Variants in TBX18 observed in about 807,000 individuals in gnomAD.
TBX18 encodes the protein T-box transcription factor 18.
A neutral mutation model predicts 55.0 loss-of-function variants in TBX18; 21 were observed. That is an observed-to-expected ratio of 0.38 (90% confidence interval 0.27 to 0.55). TBX18 has a LOEUF of 0.55. TBX18 is among the 20% of genes least tolerant of loss of function. TBX18 has a pLI of 0.73. For missense variants in TBX18, 840 were observed against 799.6 expected, an observed-to-expected ratio of 1.05 and a Z score of -0.61; for synonymous variants, 342 against 326.1, an observed-to-expected ratio of 1.05 and a Z score of -0.53.
In TBX18 at chr6:84,736,702, A is replaced by G. The variant is rs780853862; in HGVS notation, c.1807T>C (p.Ser603Pro). Residue 603 changes from serine to proline, a missense_variant, in exon 8 of 8, where the codon TCT (serine) becomes CCT (proline). Ser to Pro is a moderately conservative substitution (Grantham distance 74). Coordinates refer to ENST00000369663, the MANE Select transcript of TBX18 (RefSeq NM_001080508.3). ...AGGCTTCATCAGACCATATGTGCAG[A>G]TACTTGAGATGATGACAGAGTTAAG... ...GSLTLSSSQV[S>P]AHMV is the part of the protein sequence containing the mutation. 1.9e-6 allele frequency: 3 copies of G among 1,572,254 alleles called. No individual in the cohort carries two copies. The highest frequency in any genetic ancestry group is 2.6e-6 in the Non-Finnish European group (3 of 1,163,072).
At chr6:84,756,118 A>G (rs1171987730) in intron 4 of TBX18, among the ~76,000 whole-genome samples, 1 of 152,234 alleles carries the variant, frequency 6.6e-6, no homozygotes, top group Non-Finnish European at 1.5e-5. Context: ...AAAAATTACT[A>G]AGGTGTTAAA....
At position 84,737,119 on chromosome 6, in the gene TBX18, T is replaced by G. The variant is rs114499307; in HGVS notation, c.1390A>C (p.Thr464Pro). ...CCACCCATGGACATGTTCACGGAGGTGCTGCTGCTCACGCCCACATAGGAG... is the reference window on the plus strand; with the variant it reads ...CCACCCATGGACATGTTCACGGAGGGGCTGCTGCTCACGCCCACATAGGAG... Reference protein sequence around the residue: ...TPSYVGVSSSTSVNMSMGGTD... With the variant: ...TPSYVGVSSSPSVNMSMGGTD... Residue 464 changes from threonine to proline, a missense_variant, in exon 8 of 8, where the codon ACC becomes CCC. Transcript: ENST00000369663. 1,243 of 1,614,014 alleles carry G rather than the reference T, an allele frequency of 7.7e-4. No homozygotes were observed. The highest frequency in any genetic ancestry group is 1.0e-3 in the Non-Finnish European group (1,202 of 1,179,988).
chr6:84,745,982 A>G (rs1767173162), intron 5 of TBX18, among the ~76,000 whole-genome samples: 1 of 152,172 alleles, frequency 6.6e-6, no homozygotes, highest in Non-Finnish European at 1.5e-5. Flanking sequence ...CATGCTATTA[A>G]CCACTAATCT....
At chr6:84,745,763 C>T (rs181802228) in intron 5 of TBX18, among the ~76,000 whole-genome samples, 5 of 151,890 alleles carry the variant, frequency 3.3e-5, no homozygotes, top group African/African-American at 4.8e-5. Context: ...TATAATGGTG[C>T]CTTGTTAAAA....
In TBX18 at chr6:84,764,004, C is replaced by T. The variant is rs199821519; in HGVS notation, c.178G>A (p.Gly60Ser). 369 of 1,560,946 alleles carry T rather than the reference C, an allele frequency of 2.4e-4. 3 individuals are homozygous for T. In the African/African-American group the frequency reaches 4.4e-3, roughly 19 times the overall value. Residue 60 changes from glycine (G) to serine (S), a missense_variant, in exon 1 of 8, where the codon GGC becomes AGC. Coordinates refer to ENST00000369663, the MANE Select transcript of TBX18 (RefSeq NM_001080508.3). ...VDDGGCSRGG[G>S]AGEKGSSEGD... The stretch of plus-strand genomic sequence containing the variant: ...TCAGAAGAACCCTTTTCGCCCGCGC[C>T]GCCGCCGCGGCTGCAGCCTCCGTCG...
rs1006365503 is a variant in TBX18 at position 84,733,706 on chromosome 6, C to T, written c.*2979G>A. 4 of 152,212 alleles carry T rather than the reference C, an allele frequency of 2.6e-5. No individual in the cohort carries two copies. The highest frequency in any genetic ancestry group is 4.8e-5 in the African/African-American group (2 of 41,452). 9.4% of individuals were successfully genotyped at this position (152,212 alleles called of 1,614,324 possible). A position where few individuals can be genotyped will look rare whatever the true frequency, so the allele number is the denominator to read the frequency against. ...AAATTACTTTTTCCTCTAAGTCAAA[C>T]CTCCAGCTATCTCCAAAGCTGCTGT... On this transcript the variant is annotated 3_prime_UTR_variant, in exon 8 of 8. Transcript: ENST00000369663.
intron 4 of TBX18, among the ~76,000 whole-genome samples, chr6:84,755,424 A>G (rs975334900): frequency 3.3e-5 from 5 of 152,226 alleles, no homozygotes; most frequent in African/African-American, 7.2e-5. Flanking sequence ...AAGTCCTTCA[A>G]TGAATGTGCT....
intron 1 of TBX18, among the ~76,000 whole-genome samples, 157 bp downstream of exon 1, chr6:84,763,733 C>T (rs1767725760): frequency 6.6e-6 from 1 of 152,166 alleles, no homozygotes; most frequent in Non-Finnish European, 1.5e-5. Flanking sequence ...GGAGGGTGAC[C>T]AGGTTGCGCG....
At chr6:84,749,302 C>A (rs546561854) in intron 4 of TBX18, among the ~76,000 whole-genome samples, 94 of 152,226 alleles carry the variant, frequency 6.2e-4, no homozygotes, top group African/African-American at 2.2e-3. Context: ...CAAATGTTTA[C>A]AGAAAAGTCT....
chr6:84,762,671 G>A lies in TBX18; in HGVS notation c.370C>T (p.Arg124Cys), dbSNP rs759272258. The change falls in exon 2 of 8, where the codon CGC becomes TGC. Residue 124 changes from arginine (R) to cysteine (C), a missense_variant. Arg to Cys is a radical substitution (Grantham distance 180, BLOSUM62 -3). Coordinates refer to ENST00000369663, the MANE Select transcript of TBX18 (RefSeq NM_001080508.3). ...GGGGTCCCGGGCCGGGCCAGGGAGC[G>A]CGCCGGAGACCCCTTGGGGGAGCCT... ...PGGSPKGSPARSLARPGTPLP... is the reference protein window; with the variant it reads ...PGGSPKGSPACSLARPGTPLP... The A allele has an allele frequency of 6.2e-7, 1 of 1,609,744 alleles. No individual in the cohort carries two copies. Among genetic ancestry groups the A allele is most frequent in the Non-Finnish European group, 8.5e-7 (1 of 1,178,428 alleles).
At chr6:84,743,300 A>G (rs1171609091) in intron 6 of TBX18, among the ~76,000 whole-genome samples, 1 of 152,204 alleles carries the variant, frequency 6.6e-6, no homozygotes, top group Non-Finnish European at 1.5e-5. Flanking sequence ...TATTCTGAGA[A>G]AAGGTCTCTG....
In TBX18 at chr6:84,733,330, G is replaced by T. The variant is rs1773853249; in HGVS notation, c.*3355C>A. 1 of 152,084 alleles carries T rather than the reference G, an allele frequency of 6.6e-6. No individual in the cohort carries two copies. Among genetic ancestry groups the T allele is most frequent in the Non-Finnish European group, 1.5e-5 (1 of 68,014 alleles). 9.4% of individuals were successfully genotyped at this position (152,084 alleles called of 1,614,324 possible). ...TTATCTGAGCATTTCTTTTTAGAAA[G>T]GATGAACAATGAGATTAAAACACAA... On this transcript the variant is annotated 3_prime_UTR_variant, in exon 8 of 8. Coordinates refer to ENST00000369663, the MANE Select transcript of TBX18 (RefSeq NM_001080508.3).
chr6:84,763,562 C>CA (rs1324485195), intron 1 of TBX18: 6 of 581,138 alleles, frequency 1.0e-5, no homozygotes, highest in Admixed American at 9.1e-5. Context: ...AGTTAGGAAA[C>CA]AAAAAAGAGC....
Position 84,764,178 on chromosome 6 carries a change from C to T in TBX18, c.4G>A (p.Ala2Thr). The T allele has an allele frequency of 2.0e-6, 3 of 1,466,966 alleles. 1 individual carries two copies. The South Asian group carries it at 4.1e-5, about 20-fold the overall frequency. The allele number at this position is 1,466,966 out of a possible 1,614,324, so 90.9% of individuals were successfully genotyped here. The change falls in exon 1 of 8, where the codon GCC (alanine) becomes ACC (threonine). Residue 2 changes from alanine to threonine, a missense_variant. Ala to Thr is a moderately conservative substitution (Grantham distance 58). Coordinates refer to ENST00000369663, the MANE Select transcript of TBX18 (RefSeq NM_001080508.3). ...CACGGCGAGCCCCTTCGCTTCTCGG[C>T]CATCCCCCCCGCCCCGCGCCCGCCC... M[A>T]EKRRGSPCSM...
Position 84,764,247 on chromosome 6 carries a change from G to T in TBX18, c.-66C>A. ...CTCACGCGGGCACACGCGCGCTCTCGCTCTTCCCCCACCAAAAACTAAAAG... is the reference window on the plus strand; with the variant it reads ...CTCACGCGGGCACACGCGCGCTCTCTCTCTTCCCCCACCAAAAACTAAAAG... On this transcript the variant is annotated 5_prime_UTR_variant, in exon 1 of 8. Transcript: ENST00000369663. The T allele has an allele frequency of 7.3e-7, 1 of 1,362,756 alleles. No homozygotes were observed. Among genetic ancestry groups the T allele is most frequent in the Non-Finnish European group, 9.4e-7 (1 of 1,068,496 alleles). The allele number at this position is 1,362,756 out of a possible 1,614,324, so 84.4% of individuals were successfully genotyped here.
At chr6:84,744,426 ACT>A in intron 5 of TBX18, 101 bp from the exon 6 acceptor site, 1 of 940,226 alleles carries the variant, frequency 1.1e-6, no homozygotes, top group Non-Finnish European at 1.6e-6. Flanking sequence ...CTGTTAGAGG[ACT>A]CTATTGTATA....
At chr6:84,752,905 A>T (rs1767387748) in intron 4 of TBX18, among the ~76,000 whole-genome samples, 1 of 152,180 alleles carries the variant, frequency 6.6e-6, no homozygotes, top group Non-Finnish European at 1.5e-5. Flanking sequence ...AAGGTACACC[A>T]CTACCTGCTA....
In TBX18 at chr6:84,734,653, C is replaced by T. The variant is rs185437728; in HGVS notation, c.*2032G>A. On this transcript the variant is annotated 3_prime_UTR_variant, in exon 8 of 8. Transcript: ENST00000369663. The stretch of plus-strand genomic sequence containing the variant: ...AAAAAGATTAATAAAAAATTATACT[C>T]ATATTGTGGTATCATCTGAAATGAT... The T allele has an allele frequency of 2.0e-3, 305 of 152,576 alleles. 1 individual carries two copies. Among genetic ancestry groups the T allele is most frequent in the African/African-American group, 6.9e-3 (286 of 41,522 alleles). The allele number at this position is 152,576 out of a possible 1,614,324, so 9.5% of individuals were successfully genotyped here.
intron 4 of TBX18, among the ~76,000 whole-genome samples, chr6:84,753,227 T>G (rs1298723913): frequency 6.6e-6 from 1 of 152,198 alleles, no homozygotes; most frequent in Non-Finnish European, 1.5e-5. Context: ...TCATGATATT[T>G]GAACAACTGA....
Sources: allele counts gnomAD v4.1 joint callset (sites outside exome capture counted in the v4.1 genomes callset), GRCh38; gene constraint gnomAD v4.1.1; transcripts MANE v1.5; gene names NCBI Gene and HGNC (gene_info 2026-07-23, HGNC 2026-07-21).